Variants in GABRG3 observed in about 807,000 individuals in gnomAD.
GABRG3 encodes gamma-aminobutyric acid receptor subunit gamma-3.
Under a neutral mutation model 48.8 loss-of-function variants are expected in GABRG3, and 25 were observed. The ratio of observed to expected loss-of-function variants is 0.51; its 90% CI spans 0.37 to 0.72. The LOEUF is 0.72. Among genes scored for constraint, GABRG3 ranks in the 30% least tolerant of loss-of-function variants. GABRG3 has a pLI of 0.00. For missense variants in GABRG3, 394 were observed against 577.9 expected, an observed-to-expected ratio of 0.68 and a Z score of 3.26; for synonymous variants, 227 against 217.6, an observed-to-expected ratio of 1.04 and a Z score of -0.38.
chr15:27,322,387 G>A (rs1352292144), intron 3 of GABRG3, among the ~76,000 whole-genome samples: 1 of 152,132 alleles, frequency 6.6e-6, no homozygotes, highest in Non-Finnish European at 1.5e-5. Flanking sequence ...GCCTTGCTCT[G>A]CAAGCCTCCA....
chr15:27,180,671 G>T lies in GABRG3; in HGVS notation c.271-146138G>T, dbSNP rs1015778072. ...TCTGTGTGTGTTTGTGTGTGCACGC[G>T]CGCGCACCCCAGGTCAGTTCTAGCA... On this transcript the variant is annotated intron_variant, in intron 3 of 9. Transcript: ENST00000615808. The surrounding 1 kb of genome is among the most constrained non-coding windows in gnomAD (Gnocchi z 4.2). Among the ~76,000 whole-genome samples, 1 of 152,032 alleles carries T rather than the reference G, an allele frequency of 6.6e-6. No homozygotes were observed. The highest frequency in any genetic ancestry group is 1.5e-5 in the Non-Finnish European group (1 of 68,008).
At chr15:27,338,369 A>G (rs78348424) in intron 5 of GABRG3, among the ~76,000 whole-genome samples, 8,193 of 151,970 alleles carry the variant, frequency 0.054, 431 homozygotes, top group African/African-American at 0.14. Context: ...CATTCTTTCC[A>G]TCTCTCTTTT....
At chr15:27,464,965 A>G (rs925888013) in intron 5 of GABRG3, among the ~76,000 whole-genome samples, 5 of 152,210 alleles carry the variant, frequency 3.3e-5, no homozygotes, top group Non-Finnish European at 7.3e-5. Flanking sequence ...AAATTGTACA[A>G]AGCTAACAAT....
intron 5 of GABRG3, among the ~76,000 whole-genome samples, chr15:27,455,526 G>A (rs1414412403): frequency 2.7e-5 from 4 of 150,710 alleles, no homozygotes; most frequent in South Asian, 2.1e-4. Context: ...TATGTGCATG[G>A]TGTGTGTATG....
chr15:27,133,337 G>A (rs912284198), intron 3 of GABRG3, among the ~76,000 whole-genome samples: 3 of 151,816 alleles, frequency 2.0e-5, no homozygotes, highest in Non-Finnish European at 2.9e-5. Flanking sequence ...ATGAATGTTC[G>A]GGTTCTCCAC....
chr15:27,481,222 G>A (rs911489610), intron 6 of GABRG3: 5 of 986,860 alleles, frequency 5.1e-6, no homozygotes, highest in Non-Finnish European at 6.0e-6. Context: ...CTTTAACTTT[G>A]AGTTTCTTTT....
At chr15:27,047,278 A>G (rs954657937) in intron 3 of GABRG3, among the ~76,000 whole-genome samples, 1 of 152,150 alleles carries the variant, frequency 6.6e-6, no homozygotes, top group Non-Finnish European at 1.5e-5. Flanking sequence ...TGCACTATGC[A>G]TGTTTGGGTA....
At chr15:27,038,274 G>T (rs958968145) in intron 3 of GABRG3, among the ~76,000 whole-genome samples, 2 of 152,164 alleles carry the variant, frequency 1.3e-5, no homozygotes, top group Non-Finnish European at 2.9e-5. Context: ...GCTGCTCTCT[G>T]CTTCTGTGGT....
intron 3 of GABRG3, among the ~76,000 whole-genome samples, chr15:27,207,655 G>T (rs1888899416): frequency 6.6e-6 from 1 of 152,184 alleles, no homozygotes; most frequent in African/African-American, 2.4e-5. Flanking sequence ...GGGACACCAG[G>T]GGGGCACAGA....
At position 26,971,356 on chromosome 15, in the gene GABRG3, C is replaced by T; in HGVS notation, c.-180C>T. 2.7e-6 allele frequency: 1 copy of T among 373,204 alleles called. No individual in the cohort carries two copies. The highest frequency in any genetic ancestry group is 4.6e-6 in the Non-Finnish European group (1 of 216,316). 23.1% of individuals were successfully genotyped at this position (373,204 alleles called of 1,614,324 possible). On this transcript the variant is annotated 5_prime_UTR_variant, in exon 1 of 10. Coordinates refer to ENST00000615808, the MANE Select transcript of GABRG3 (RefSeq NM_033223.5). ...CCGCGGTGGCCCGGCGTCCCGTGTGCGTCCAGTGTGCGCCCCGCGGGGGCG... is the reference window on the plus strand; with the variant it reads ...CCGCGGTGGCCCGGCGTCCCGTGTGTGTCCAGTGTGCGCCCCGCGGGGGCG...
At chr15:27,084,894 CT>C (rs934194588) in intron 3 of GABRG3, among the ~76,000 whole-genome samples, 2 of 152,178 alleles carry the variant, frequency 1.3e-5, no homozygotes, top group African/African-American at 4.8e-5. Context: ...TAAAACGTGG[CT>C]CTCCTTCTGA....
rs577433635 is a variant in GABRG3, at chr15:27,292,452, C to T, written c.271-34357C>T. Among the ~76,000 whole-genome samples, 57 of 151,948 alleles carry T rather than the reference C, an allele frequency of 3.8e-4. 1 individual carries two copies. Among genetic ancestry groups the T allele is most frequent in the Admixed American group, 1.0e-3 (16 of 15,246 alleles). On this transcript the variant is annotated intron_variant, in intron 3 of 9. Coordinates refer to ENST00000615808, the MANE Select transcript of GABRG3 (RefSeq NM_033223.5). ...ATAAAAAAAAAATGAAAAAAAAATC[C>T]TTCCCCTAATTCAGATATTCTGAAT...
At chr15:27,177,919 A>T (rs1277210173) in intron 3 of GABRG3, among the ~76,000 whole-genome samples, 2 of 152,142 alleles carry the variant, frequency 1.3e-5, no homozygotes, top group Non-Finnish European at 2.9e-5. Flanking sequence ...GGATGGAAAA[A>T]TTACTAAGAA....
chr15:27,209,809 C>G (rs1889014053), intron 3 of GABRG3, among the ~76,000 whole-genome samples: 1 of 152,208 alleles, frequency 6.6e-6, no homozygotes, highest in Non-Finnish European at 1.5e-5. Flanking sequence ...GCAGGAAGTC[C>G]AAGATCAAGA....
intron 2 of GABRG3, among the ~76,000 whole-genome samples, chr15:27,008,820 C>G (rs983284462): frequency 1.3e-5 from 2 of 152,138 alleles, no homozygotes; most frequent in African/African-American, 4.8e-5. Flanking sequence ...CAGTGCTGCT[C>G]TGGGGTAAAG....
chr15:27,359,646 T>A lies in GABRG3; in HGVS notation c.574+30758T>A, dbSNP rs569684716. Among the ~76,000 whole-genome samples the A allele has an allele frequency of 3.9e-5, 6 of 152,366 alleles. No individual in the cohort carries two copies. The South Asian group carries it at 1.2e-3, about 32-fold the overall frequency. On this transcript the variant is annotated intron_variant, in intron 5 of 9. Transcript: ENST00000615808. ...AATTAAATAAAAAGAAAAGCACCTT[T>A]ATGACTGGCATACTCAGTGTACGCA...
intron 3 of GABRG3, among the ~76,000 whole-genome samples, chr15:27,056,559 A>G (rs1896551639): frequency 2.0e-5 from 3 of 152,022 alleles, no homozygotes. Context: ...AGTGTTGTCC[A>G]GTGTTGGTGG....
At chr15:27,055,621 T>C (rs1896532730) in intron 3 of GABRG3, among the ~76,000 whole-genome samples, 2 of 152,212 alleles carry the variant, frequency 1.3e-5, no homozygotes, top group African/African-American at 4.8e-5. Flanking sequence ...TCAGGCTACA[T>C]GCATAAGGTG....
chr15:27,381,223 G>A (rs55671453), intron 5 of GABRG3, among the ~76,000 whole-genome samples: 2,174 of 152,278 alleles, frequency 0.014, 26 homozygotes, highest in Non-Finnish European at 0.024. Context: ...ACTTGGTTTG[G>A]CTCTGATAAA....
Sources: gnomAD v4.1 joint callset for allele counts (sites outside exome capture counted in the v4.1 genomes callset) on GRCh38, gnomAD v4.1.1 for gene constraint, Gnocchi (gnomAD v3.1) non-coding constraint, MANE v1.5 for transcripts, NCBI Gene and HGNC (gene_info 2026-07-23, HGNC 2026-07-21) for gene names.